Variants in TMEM178B observed in about 807,000 individuals in gnomAD.
TMEM178B encodes the protein transmembrane protein 178B.
In TMEM178B, 5 loss-of-function variants were observed where a neutral mutation model predicts 31.0. That is an observed-to-expected ratio of 0.16 (90% CI 0.08 to 0.34). The LOEUF is 0.34. TMEM178B is among the 10% of genes least tolerant of loss of function. The probability of loss-of-function intolerance (pLI) is 1.00; values close to 1 mark genes in which losing one functional copy is unlikely to be tolerated. For synonymous variants in TMEM178B, 164 were observed against 164.0 expected (o/e 1.00, Z 0.00); for missense variants, 275 against 400.3 (o/e 0.69, Z 2.67).
intron 2 of TMEM178B, among the ~76,000 whole-genome samples, chr7:141,307,228 A>G (rs1251520735): frequency 6.6e-6 from 1 of 152,184 alleles, no homozygotes; most frequent in Non-Finnish European, 1.5e-5. Flanking sequence ...TAGCCTGACT[A>G]TTGAAATCAG....
the TMEM178B span, among the ~76,000 whole-genome samples, chr7:141,502,194 A>G: frequency 1.6e-5 from 2 of 128,264 alleles, no homozygotes; most frequent in African/African-American, 9.9e-5. Context: ...CATGTTTTAC[A>G]AAAATAAGCA....
At chr7:141,088,618 G>C (rs1195877140) in intron 1 of TMEM178B, among the ~76,000 whole-genome samples, 1 of 152,054 alleles carries the variant, frequency 6.6e-6, no homozygotes, top group African/African-American at 2.4e-5. Context: ...TCTCCACTAG[G>C]ATCACCCATG....
rs897191102 is a variant in TMEM178B at position 141,454,852 on chromosome 7, G to A, written c.635-15684G>A. Among the ~76,000 whole-genome samples, 50 of 152,078 alleles carry A rather than the reference G, an allele frequency of 3.3e-4. 1 individual carries two copies. The highest frequency in any genetic ancestry group is 2.9e-3 in the Admixed American group (45 of 15,272). ...TTTCTGTGGTTCTTTTCTCATTAGA[G>A]TTTGAATTCAGAAGGGTGCGGAAGA... On this transcript the variant is annotated intron_variant, in intron 3 of 3. Coordinates refer to ENST00000565468, the MANE Select transcript of TMEM178B (RefSeq NM_001195278.2).
chr7:141,105,998 G>A (rs759599356), intron 1 of TMEM178B, among the ~76,000 whole-genome samples: 1 of 151,244 alleles, frequency 6.6e-6, no homozygotes, highest in Non-Finnish European at 1.5e-5. Flanking sequence ...GGGAGACTGA[G>A]GCATGAGAAT....
chr7:141,136,974 A>G (rs761992402), intron 1 of TMEM178B, among the ~76,000 whole-genome samples: 2 of 152,232 alleles, frequency 1.3e-5, no homozygotes, highest in Non-Finnish European at 2.9e-5. Flanking sequence ...ACTAATCATC[A>G]GGGAAATGCA....
intron 1 of TMEM178B, among the ~76,000 whole-genome samples, chr7:141,211,287 G>T (rs370710828): frequency 6.6e-6 from 1 of 152,322 alleles, no homozygotes; most frequent in East Asian, 1.9e-4. Flanking sequence ...GTGCCTCTTG[G>T]ACAGCGTCAG....
intron 2 of TMEM178B, among the ~76,000 whole-genome samples, chr7:141,251,333 G>A (rs1011628876): frequency 3.3e-5 from 5 of 151,984 alleles, no homozygotes; most frequent in Non-Finnish European, 2.9e-5. Context: ...CCTGGGCAGT[G>A]CATTACAGAC....
rs116932481 is a variant in TMEM178B at position 141,445,889 on chromosome 7, G to A, written c.634+8144G>A. Among the ~76,000 whole-genome samples, 39 of 152,232 alleles carry A rather than the reference G, an allele frequency of 2.6e-4. No individual in the cohort carries two copies. The East Asian group carries it at 6.9e-3, about 27-fold the overall frequency. ...ACTAGAACATCACAACTCATCTCTTGACTTTTTGTCTTATAATCTTTCTTT... is the reference window on the plus strand; with the variant it reads ...ACTAGAACATCACAACTCATCTCTTAACTTTTTGTCTTATAATCTTTCTTT... On this transcript the variant is annotated intron_variant, in intron 3 of 3. Transcript: ENST00000565468.
chr7:141,464,717 G>A (rs953249702), intron 3 of TMEM178B, among the ~76,000 whole-genome samples: 10 of 152,104 alleles, frequency 6.6e-5, no homozygotes, highest in South Asian at 2.1e-4. Context: ...ATACTAGGGC[G>A]CCCACAGCCA....
intron 2 of TMEM178B, among the ~76,000 whole-genome samples, chr7:141,373,015 C>T (rs138119898): frequency 4.7e-4 from 71 of 152,258 alleles, no homozygotes; most frequent in East Asian, 2.9e-3. Context: ...TGGAGTCCAC[C>T]GCTGGCTCAG....
At chr7:141,465,273 G>A (rs937603569) in intron 3 of TMEM178B, among the ~76,000 whole-genome samples, 2 of 152,184 alleles carry the variant, frequency 1.3e-5, no homozygotes, top group African/African-American at 2.4e-5. Context: ...TGAACTTTGG[G>A]TAATGGAGGA....
At chr7:141,438,799 C>T (rs1357829146) in intron 3 of TMEM178B, among the ~76,000 whole-genome samples, 1 of 147,334 alleles carries the variant, frequency 6.8e-6, no homozygotes, top group Non-Finnish European at 1.5e-5. Context: ...TTGCTTGAAC[C>T]TGGCAGGCAG....
chr7:141,150,327 G>A (rs1304565707), intron 1 of TMEM178B, among the ~76,000 whole-genome samples: 1 of 152,186 alleles, frequency 6.6e-6, no homozygotes, highest in African/African-American at 2.4e-5. Context: ...GTAGGTCCAA[G>A]TCAGGATGCA....
intron 3 of TMEM178B, among the ~76,000 whole-genome samples, chr7:141,466,435 G>A (rs1802148865): frequency 6.6e-6 from 1 of 152,212 alleles, no homozygotes; most frequent in African/African-American, 2.4e-5. Context: ...TGTCTTGCCT[G>A]CCCTGCTGTG....
At chr7:141,396,852 G>A (rs1224746973) in intron 2 of TMEM178B, among the ~76,000 whole-genome samples, 7 of 152,204 alleles carry the variant, frequency 4.6e-5, no homozygotes, top group Admixed American at 6.5e-5. Flanking sequence ...TTCAACAGTC[G>A]CTGAGGGTTG....
chr7:141,163,795 G>A (rs1046500204), intron 1 of TMEM178B, among the ~76,000 whole-genome samples: 1 of 152,172 alleles, frequency 6.6e-6, no homozygotes, highest in Non-Finnish European at 1.5e-5. Flanking sequence ...ATTACAGGGT[G>A]AGCCACCATG....
At chr7:141,284,647 G>A (rs980329837) in intron 2 of TMEM178B, among the ~76,000 whole-genome samples, 1 of 152,132 alleles carries the variant, frequency 6.6e-6, no homozygotes, top group South Asian at 2.1e-4. Context: ...GTCATAGAAT[G>A]CCATGGTCTT....
Position 141,470,598 on chromosome 7 carries a change from T to C in TMEM178B, c.697T>C (p.Tyr233His). 1.3e-6 allele frequency: 2 copies of C among 1,535,312 alleles called. No homozygotes were observed. Among genetic ancestry groups the C allele is most frequent in the Non-Finnish European group, 1.7e-6 (2 of 1,146,592 alleles). ...VAGINFELSRYPRYLYGLPDD... is the reference protein window; with the variant it reads ...VAGINFELSRHPRYLYGLPDD... ...CGGGATCAACTTTGAGCTGTCACGC[T>C]ACCCACGCTACCTGTACGGACTCCC... The change falls in exon 4 of 4, where the codon TAC becomes CAC. Residue 233 changes from tyrosine (Y) to histidine (H), a missense_variant. Transcript: ENST00000565468.
chr7:141,099,100 A>G (rs1356019353), intron 1 of TMEM178B, among the ~76,000 whole-genome samples: 2 of 152,230 alleles, frequency 1.3e-5, no homozygotes, highest in Non-Finnish European at 2.9e-5. Context: ...ACAGCTGTGA[A>G]GTTTGTCTTT....
Sources: allele counts gnomAD v4.1 joint callset (sites outside exome capture counted in the v4.1 genomes callset), GRCh38; gene constraint gnomAD v4.1.1; transcripts MANE v1.5; gene names NCBI Gene and HGNC (gene_info 2026-07-23, HGNC 2026-07-21).